Variants in PPP2R2C observed in about 807,000 individuals in gnomAD.
PPP2R2C encodes the protein protein phosphatase 2, regulatory subunit B, gamma.
PPP2R2C carries 10 observed loss-of-function variants against 45.3 expected under a neutral mutation model. The observed-to-expected ratio is 0.22, with a 90% CI of 0.14 to 0.37. The LOEUF (loss-of-function observed/expected upper bound fraction) is 0.37, where lower values mean the gene tolerates loss of function less well. Among genes scored for constraint, PPP2R2C ranks in the 10% least tolerant of loss-of-function variants. PPP2R2C has a pLI of 1.00. For missense variants in PPP2R2C, 308 were observed against 619.7 expected (o/e 0.50, Z 5.34); for synonymous variants, 257 against 245.4 (o/e 1.05, Z -0.44).
At chr4:6,495,284 TA>T (rs1046872142) in intron 2 of PPP2R2C, among the ~76,000 whole-genome samples, 3 of 152,180 alleles carry the variant, frequency 2.0e-5, no homozygotes, top group African/African-American at 7.2e-5. Context: ...GGGAATGCCA[TA>T]TGGCTATCGA....
At position 6,328,057 on chromosome 4, in the gene PPP2R2C, A is replaced by C. The variant is rs988180242; in HGVS notation, c.1052+1205T>G. Among the ~76,000 whole-genome samples, 2 of 151,958 alleles carry C rather than the reference A, an allele frequency of 1.3e-5. No homozygotes were observed. The highest frequency in any genetic ancestry group is 4.8e-5 in the African/African-American group (2 of 41,386). On this transcript the variant is annotated intron_variant, in intron 8 of 8. Transcript: ENST00000382599. This position sits in a 1 kb window ranked among gnomAD's most constrained non-coding sequence, Gnocchi z 4.4. ...AGAGAGTCATAGTGCGGCAGCTCTCACATGACCACCACAGTGCCAGCCACC... is the reference window on the plus strand; with the variant it reads ...AGAGAGTCATAGTGCGGCAGCTCTCCCATGACCACCACAGTGCCAGCCACC...
At chr4:6,409,158 G>A (rs1717994174) in intron 1 of PPP2R2C, among the ~76,000 whole-genome samples, 3 of 152,194 alleles carry the variant, frequency 2.0e-5, no homozygotes, top group South Asian at 2.1e-4. Context: ...CACAAAATAC[G>A]GAGAACAGGA....
In PPP2R2C at chr4:6,472,367, T is replaced by A; in HGVS notation, c.-138A>T. On this transcript the variant is annotated 5_prime_UTR_variant, in exon 1 of 9. The change abolishes an upstream ATG in the 5' untranslated region. Coordinates refer to ENST00000382599, the MANE Select transcript of PPP2R2C (RefSeq NM_020416.4). ...CCGCCGGGGCCCCGAAGGGAGGGCA[T>A]CGCGGCAGGGGGACGGGCGGGGGCG... The A allele has an allele frequency of 8.9e-7, 1 of 1,123,178 alleles. No homozygotes were observed. The highest frequency in any genetic ancestry group is 3.5e-5 in the South Asian group (1 of 28,398). 69.6% of individuals were successfully genotyped at this position (1,123,178 alleles called of 1,614,324 possible). A position where few individuals can be genotyped will look rare whatever the true frequency, so the allele number is the denominator to read the frequency against.
chr4:6,418,578 G>C (rs1560533726), intron 1 of PPP2R2C, among the ~76,000 whole-genome samples: 1 of 152,158 alleles, frequency 6.6e-6, no homozygotes, highest in South Asian at 2.1e-4. Flanking sequence ...AATCGCCCCT[G>C]GGCCTGGGCA....
rs575414860 is a variant in PPP2R2C at position 6,373,541 on chromosome 4, C to G, written c.448-841G>C. Among the ~76,000 whole-genome samples the G allele has an allele frequency of 3.7e-4, 57 of 152,294 alleles. 1 individual carries two copies. The highest frequency in any genetic ancestry group is 1.3e-3 in the African/African-American group (56 of 41,560). ...GTGGACTAGGGATCAGCTACGGGAG[C>G]AAGGCGTCACCTCTTGTTTATCTCT... On this transcript the variant is annotated intron_variant, in intron 4 of 8. Transcript: ENST00000382599.
intron 2 of PPP2R2C, among the ~76,000 whole-genome samples, chr4:6,503,836 A>G (rs1723135447): frequency 6.6e-6 from 1 of 152,144 alleles, no homozygotes; most frequent in South Asian, 2.1e-4. Context: ...GCTTCTAGCA[A>G]TGCTAAGAAA....
chr4:6,413,988 A>G (rs1336219566), intron 1 of PPP2R2C: 92 of 1,533,446 alleles, frequency 6.0e-5, no homozygotes, highest in Non-Finnish European at 7.8e-5. Flanking sequence ...GGCTACTGCC[A>G]TGTTGCCAGT....
intron 1 of PPP2R2C, among the ~76,000 whole-genome samples, chr4:6,388,000 G>C (rs55638510): frequency 0.092 from 13,957 of 152,226 alleles, 719 homozygotes; most frequent in Middle Eastern, 0.16. Flanking sequence ...TTTGGCCATC[G>C]CTGTCCCCAC....
At position 6,399,949 on chromosome 4, in the gene PPP2R2C, T is replaced by G. The variant is rs546408090; in HGVS notation, c.71-18855A>C. ...AGGCTGAAGTCAAGCCAGCCATGGC[T>G]GTGTTTCCTGCTCTGTCTCCATGTT... On this transcript the variant is annotated intron_variant, in intron 1 of 8. Transcript: ENST00000382599. 7.9e-5 allele frequency among the ~76,000 whole-genome samples: 12 copies of G among 152,362 alleles called. No homozygotes were observed. The East Asian group carries it at 2.1e-3, about 27-fold the overall frequency.
intron 8 of PPP2R2C, among the ~76,000 whole-genome samples, chr4:6,327,481 C>T (rs902277133): frequency 9.2e-5 from 14 of 152,316 alleles, no homozygotes; most frequent in African/African-American, 2.6e-4. Flanking sequence ...GAAGGAAGGA[C>T]GGGCAGTGGG....
chr4:6,548,269 C>T (rs1358039855), intron 1 of PPP2R2C, among the ~76,000 whole-genome samples: 1 of 152,110 alleles, frequency 6.6e-6, no homozygotes, highest in Non-Finnish European at 1.5e-5. Context: ...GGCACAACCA[C>T]ACCTGTTAGG....
chr4:6,332,652 C>T lies in PPP2R2C; in HGVS notation c.960+910G>A, dbSNP rs1374955604. Reference sequence around the variant, plus strand: ...AATCTGTCACCGCCCAGCCGAGAGACACCTCCCTCATCTCCCTACCTCTCA... The same window carrying T: ...AATCTGTCACCGCCCAGCCGAGAGATACCTCCCTCATCTCCCTACCTCTCA... On this transcript the variant is annotated intron_variant, in intron 7 of 8. Transcript: ENST00000382599. This position sits in a 1 kb window ranked among gnomAD's most constrained non-coding sequence, Gnocchi z 4.9. Among the ~76,000 whole-genome samples, 4 of 152,196 alleles carry T rather than the reference C, an allele frequency of 2.6e-5. No individual in the cohort carries two copies. The East Asian group carries it at 7.7e-4, about 29-fold the overall frequency.
At chr4:6,383,798 T>G in intron 1 of PPP2R2C, 1 of 1,015,948 alleles carries the variant, frequency 9.8e-7, no homozygotes, top group Non-Finnish European at 1.2e-6. Context: ...CTTCAAATGG[T>G]GCCTGTATGC....
At chr4:6,487,997 G>A (rs1174532289) in intron 2 of PPP2R2C, among the ~76,000 whole-genome samples, 2 of 152,080 alleles carry the variant, frequency 1.3e-5, no homozygotes, top group South Asian at 2.1e-4. Context: ...GTTCTGCAAT[G>A]TCCTCTCTGC....
At chr4:6,351,403 C>T (rs929403549) in intron 5 of PPP2R2C, 132 of 983,410 alleles carry the variant, frequency 1.3e-4, no homozygotes, top group Non-Finnish European at 1.5e-4. Flanking sequence ...ACCCGAGCCA[C>T]GGCAACCCAG....
Position 6,320,833 on chromosome 4 carries a change from C to A in PPP2R2C, c.*2469G>T, listed in dbSNP as rs1731504656. ...AAAAACAAAACCAAAAAAACCCCAACAACTTCACAATGACTATGTGAACGC... is the reference window on the plus strand; with the variant it reads ...AAAAACAAAACCAAAAAAACCCCAAAAACTTCACAATGACTATGTGAACGC... On this transcript the variant is annotated 3_prime_UTR_variant, in exon 9 of 9. Transcript: ENST00000382599. 1 of 149,972 alleles carries A rather than the reference C, an allele frequency of 6.7e-6. No individual in the cohort carries two copies. The highest frequency in any genetic ancestry group is 1.5e-5 in the Non-Finnish European group (1 of 67,678). The allele number at this position is 149,972 out of a possible 1,614,324, so 9.3% of individuals were successfully genotyped here.
intron 1 of PPP2R2C, among the ~76,000 whole-genome samples, chr4:6,433,554 C>A (rs1054839725): frequency 6.6e-5 from 10 of 152,308 alleles, no homozygotes; most frequent in African/African-American, 2.4e-4. Flanking sequence ...CCTCCCTGTG[C>A]CCTTTACTGC....
intron 5 of PPP2R2C, among the ~76,000 whole-genome samples, chr4:6,352,033 G>T (rs1712609703): frequency 6.6e-6 from 1 of 152,222 alleles, no homozygotes; most frequent in African/African-American, 2.4e-5. Context: ...AGCTGTGGGA[G>T]AAGCCTCCGG....
intron 5 of PPP2R2C, among the ~76,000 whole-genome samples, chr4:6,353,360 CAGCCCCCCAACCAACAGCCCCCACACT>C (rs1712757386): frequency 2.1e-5 from 1 of 46,786 alleles, no homozygotes; most frequent in Non-Finnish European, 4.0e-5. Flanking sequence ...CCAACACTGA[CAGCCCCCCAACCAACAGCCCCCACACT>C]GACAGCCCCC....
Sources: gnomAD v4.1 joint callset for allele counts (sites outside exome capture counted in the v4.1 genomes callset) on GRCh38, gnomAD v4.1.1 for gene constraint, Gnocchi (gnomAD v3.1) non-coding constraint, MANE v1.5 for transcripts, NCBI Gene and HGNC (gene_info 2026-07-23, HGNC 2026-07-21) for gene names.